Variants in PRKN observed in about 807,000 individuals in gnomAD.
PRKN encodes the protein parkin RBR E3 ubiquitin protein ligase.
In PRKN, 56 loss-of-function variants were observed where a neutral mutation model predicts 59.5. That is an observed-to-expected ratio of 0.94 (90% confidence interval 0.76 to 1.18). The LOEUF (loss-of-function observed/expected upper bound fraction) is 1.18, where lower values mean the gene tolerates loss of function less well. Ranked by LOEUF, PRKN falls within the 50% of genes most tolerant of loss-of-function variation. The probability of loss-of-function intolerance (pLI) is 0.00; values close to 1 mark genes in which losing one functional copy is unlikely to be tolerated. For synonymous variants in PRKN, 250 were observed against 222.1 expected (o/e 1.13, Z -1.12); for missense variants, 657 against 596.4 (o/e 1.10, Z -1.06).
chr6:162,635,480 G>C (rs1227377856), intron 1 of PRKN, among the ~76,000 whole-genome samples: 1 of 152,168 alleles, frequency 6.6e-6, no homozygotes, highest in Non-Finnish European at 1.5e-5. Context: ...ATATGAGACT[G>C]TTAGTGTTTC....
In PRKN at chr6:162,201,114, A is replaced by G; in HGVS notation, c.534+17T>C. ...TCATTTTCCTGGCAGTCTCATGCTG[A>G]CACTGCATTTCCTTACCTGGGTCAA... On this transcript the variant is annotated intron_variant, in intron 4 of 11. Transcript: ENST00000366898. The G allele has an allele frequency of 6.2e-7, 1 of 1,613,978 alleles. No homozygotes were observed. Among genetic ancestry groups the G allele is most frequent in the South Asian group, 1.1e-5 (1 of 91,080 alleles).
chr6:162,726,798 C>T (rs1779226091), intron 1 of PRKN, among the ~76,000 whole-genome samples: 2 of 152,174 alleles, frequency 1.3e-5, no homozygotes, highest in South Asian at 4.1e-4. Context: ...GAGAAACCTC[C>T]ACAATAATGA....
chr6:162,723,535 A>C (rs1424802363), intron 1 of PRKN, among the ~76,000 whole-genome samples: 1 of 152,092 alleles, frequency 6.6e-6, no homozygotes, highest in Non-Finnish European at 1.5e-5. Context: ...CTCAGGAAGG[A>C]CGTCTTTTGG....
At chr6:162,468,709 T>G (rs994375813) in intron 1 of PRKN, among the ~76,000 whole-genome samples, 1 of 152,226 alleles carries the variant, frequency 6.6e-6, no homozygotes, top group Admixed American at 6.5e-5. Context: ...GCCAGCCAAG[T>G]ACTGAGCTTG....
At chr6:162,540,162 C>T (rs541213483) in intron 1 of PRKN, among the ~76,000 whole-genome samples, 5 of 152,274 alleles carry the variant, frequency 3.3e-5, no homozygotes, top group African/African-American at 4.8e-5. Context: ...GTGATCCACC[C>T]GCCTTGGCCT....
chr6:162,710,416 A>ACACACACACACACACACACACAC (rs1778494282), intron 1 of PRKN, among the ~76,000 whole-genome samples: 1 of 51,144 alleles, frequency 2.0e-5, no homozygotes, highest in African/African-American at 1.1e-4. Context: ...CACACACACA[A>ACACACACACACACACACACACAC]CTGTTTGGTA....
chr6:162,232,407 C>T (rs374043259), intron 3 of PRKN, among the ~76,000 whole-genome samples: 1 of 152,058 alleles, frequency 6.6e-6, no homozygotes, highest in Non-Finnish European at 1.5e-5. Flanking sequence ...CTCCTCACTC[C>T]CCAACTCCTG....
intron 1 of PRKN, among the ~76,000 whole-genome samples, chr6:162,450,329 GCCCC>G (rs1790536795): frequency 1.1e-5 from 1 of 94,284 alleles, no homozygotes; most frequent in Non-Finnish European, 2.6e-5. Flanking sequence ...GAATGTAAAC[GCCCC>G]TGTGATTGTA....
chr6:161,532,803 T>TGACA, intron 9 of PRKN, among the ~76,000 whole-genome samples: 1 of 152,106 alleles, frequency 6.6e-6, no homozygotes, highest in Non-Finnish European at 1.5e-5. Context: ...TCAAGAAGGG[T>TGACA]GGCTGTCACT....
chr6:161,641,930 A>G lies in PRKN; in HGVS notation c.872-72514T>C, dbSNP rs117028803. 3.8e-3 allele frequency among the ~76,000 whole-genome samples: 581 copies of G among 152,222 alleles called. 17 individuals are homozygous for G. The East Asian group carries it at 0.062, about 16-fold the overall frequency. ...GCTCATTACCAAACATTTCCCAACAATGTTGAAGTTTCTGCTAGTGTAAAG... is the reference window on the plus strand; with the variant it reads ...GCTCATTACCAAACATTTCCCAACAGTGTTGAAGTTTCTGCTAGTGTAAAG... On this transcript the variant is annotated intron_variant, in intron 7 of 11. Transcript: ENST00000366898.
chr6:161,902,524 G>GTCTATCTATCTATCTATCTATCTATCTA lies in PRKN; in HGVS notation c.734+70777_734+70778insTAGATAGATAGATAGATAGATAGATAGA, dbSNP rs557665439. Among the ~76,000 whole-genome samples, 44 of 133,110 alleles carry GTCTATCTATCTATCTATCTATCTATCTA rather than the reference G, an allele frequency of 3.3e-4. 4 individuals carry two copies. The highest frequency in any genetic ancestry group is 3.7e-4 in the Non-Finnish European group (24 of 64,026). The allele number at this position is 133,110 out of a possible 152,430, so 87.3% of individuals were successfully genotyped here. A position where few individuals can be genotyped will look rare whatever the true frequency, so the allele number is the denominator to read the frequency against. On this transcript the variant is annotated intron_variant, in intron 6 of 11. Transcript: ENST00000366898. ...GTGTGTGTAAATGTAATAGACATCC[G>GTCTATCTATCTATCTATCTATCTATCTA]TCTATCTATCTATCTATCTATCTAT...
At chr6:161,824,738 G>C (rs1792170860) in intron 6 of PRKN, among the ~76,000 whole-genome samples, 1 of 152,128 alleles carries the variant, frequency 6.6e-6, no homozygotes, top group Non-Finnish European at 1.5e-5. Context: ...TCAAGTATTT[G>C]CTAATTAACT....
chr6:161,958,811 T>C (rs1463307611), intron 6 of PRKN, among the ~76,000 whole-genome samples: 1 of 150,176 alleles, frequency 6.7e-6, no homozygotes, highest in Non-Finnish European at 1.5e-5. Context: ...ACCCAGGAGG[T>C]GGAGGTTGCA....
intron 1 of PRKN, among the ~76,000 whole-genome samples, chr6:162,648,662 G>A (rs1454449701): frequency 2.0e-5 from 3 of 152,168 alleles, no homozygotes; most frequent in South Asian, 2.1e-4. Flanking sequence ...GATTACAGGC[G>A]TGAGCCACGA....
chr6:162,536,359 G>A (rs1311500375), intron 1 of PRKN, among the ~76,000 whole-genome samples: 2 of 152,072 alleles, frequency 1.3e-5, no homozygotes, highest in African/African-American at 2.4e-5. Flanking sequence ...TGTGACTAAG[G>A]AAGTATTCTG....
chr6:162,516,427 T>TG, intron 1 of PRKN, among the ~76,000 whole-genome samples: 1 of 152,318 alleles, frequency 6.6e-6, no homozygotes, highest in South Asian at 2.1e-4. Context: ...GCTAGATTCC[T>TG]GTATCACTAC....
chr6:161,707,013 A>G (rs1244986770), intron 7 of PRKN, among the ~76,000 whole-genome samples: 1 of 152,226 alleles, frequency 6.6e-6, no homozygotes, highest in Non-Finnish European at 1.5e-5. Flanking sequence ...CATGGTCCAA[A>G]TTCTGATAGT....
At chr6:162,237,205 C>T (rs1380006696) in intron 3 of PRKN, among the ~76,000 whole-genome samples, 1 of 151,968 alleles carries the variant, frequency 6.6e-6, no homozygotes, top group South Asian at 2.1e-4. Context: ...TCCTTTATGA[C>T]TTGGAAAGAT....
intron 6 of PRKN, among the ~76,000 whole-genome samples, chr6:161,828,621 G>C (rs1792344770): frequency 1.3e-5 from 2 of 152,100 alleles, no homozygotes; most frequent in South Asian, 4.2e-4. Flanking sequence ...GCTGTGTTGA[G>C]AGAGGGCACT....
Sources: allele counts gnomAD v4.1 joint callset (sites outside exome capture counted in the v4.1 genomes callset), GRCh38; gene constraint gnomAD v4.1.1; transcripts MANE v1.5; gene names NCBI Gene and HGNC (gene_info 2026-07-23, HGNC 2026-07-21).